NELL1: variants seen among roughly 807,000 people sequenced by gnomAD.
NELL1 encodes protein kinase C-binding protein NELL1.
NELL1 carries 76 observed loss-of-function variants against 107.4 expected under a neutral mutation model. That is an observed-to-expected ratio of 0.71 (90% CI 0.59 to 0.86). NELL1 has a LOEUF of 0.86. Among genes scored for constraint, NELL1 ranks in the 40% least tolerant of loss-of-function variants. The probability of loss-of-function intolerance (pLI) is 0.00; values close to 1 mark genes in which losing one functional copy is unlikely to be tolerated. For synonymous variants in NELL1, 353 were observed against 341.2 expected, an observed-to-expected ratio of 1.03 and a Z score of -0.38; for missense variants, 1,024 against 1,005.5, an observed-to-expected ratio of 1.02 and a Z score of -0.25.
chr11:20,763,602 T>C (rs957904229), intron 2 of NELL1, among the ~76,000 whole-genome samples: 4 of 152,224 alleles, frequency 2.6e-5, no homozygotes, highest in Non-Finnish European at 5.9e-5. Flanking sequence ...TGTGACCTTT[T>C]TCATATCATG....
chr11:20,879,248 A>G (rs547249398), intron 4 of NELL1, among the ~76,000 whole-genome samples: 2 of 152,320 alleles, frequency 1.3e-5, no homozygotes, highest in South Asian at 4.1e-4. Flanking sequence ...ACCGTGTCAC[A>G]TGCTGAAGAG....
chr11:20,734,668 A>G (rs1380524932), intron 2 of NELL1, among the ~76,000 whole-genome samples: 1 of 152,222 alleles, frequency 6.6e-6, no homozygotes, highest in East Asian at 1.9e-4. Context: ...GTTAGATTTG[A>G]GAAATCCATT....
At chr11:21,348,043 T>A (rs1261292343) in intron 14 of NELL1, among the ~76,000 whole-genome samples, 1 of 152,176 alleles carries the variant, frequency 6.6e-6, no homozygotes, top group Non-Finnish European at 1.5e-5. Flanking sequence ...TGTTGTGACC[T>A]GATGTGGCTA....
chr11:20,931,205 T>C (rs563600622), intron 9 of NELL1, among the ~76,000 whole-genome samples: 2 of 149,140 alleles, frequency 1.3e-5, no homozygotes, highest in South Asian at 4.4e-4. Flanking sequence ...TACAGAAGAA[T>C]GGCCTGGGAG....
intron 2 of NELL1, among the ~76,000 whole-genome samples, chr11:20,703,467 G>T (rs986280478): frequency 1.3e-5 from 2 of 151,780 alleles, no homozygotes; most frequent in African/African-American, 2.4e-5. Context: ...GGATTCATTG[G>T]TTTTTTTGAA....
At chr11:20,687,727 G>A (rs1854343061) in intron 2 of NELL1, among the ~76,000 whole-genome samples, 2 of 151,972 alleles carry the variant, frequency 1.3e-5, no homozygotes, top group African/African-American at 4.8e-5. Flanking sequence ...GAGTAGCTGG[G>A]ATTACAGGTG....
At chr11:21,548,157 AGAG>A (rs1856489241) in intron 16 of NELL1, among the ~76,000 whole-genome samples, 1 of 151,942 alleles carries the variant, frequency 6.6e-6, no homozygotes, top group African/African-American at 2.4e-5. Context: ...GTGGAAATGC[AGAG>A]GAGTGAATAA....
At chr11:21,399,554 G>A (rs139324151) in intron 15 of NELL1, among the ~76,000 whole-genome samples, 44 of 151,908 alleles carry the variant, frequency 2.9e-4, no homozygotes, top group African/African-American at 1.0e-3. Context: ...TAGCCAAAAT[G>A]TATTGAACAT....
intron 5 of NELL1, among the ~76,000 whole-genome samples, chr11:20,899,405 A>G (rs1849823079): frequency 6.6e-6 from 1 of 152,164 alleles, no homozygotes; most frequent in South Asian, 2.1e-4. Flanking sequence ...AGTCTGGGGG[A>G]AAATAATAGT....
chr11:21,126,250 T>A (rs1855484139), intron 13 of NELL1, among the ~76,000 whole-genome samples: 1 of 152,104 alleles, frequency 6.6e-6, no homozygotes, highest in East Asian at 1.9e-4. Flanking sequence ...GTCTTTAAAA[T>A]GCGAATGCAG....
chr11:21,026,741 T>C (rs1224048344), intron 12 of NELL1, among the ~76,000 whole-genome samples: 2 of 152,172 alleles, frequency 1.3e-5, no homozygotes, highest in African/African-American at 4.8e-5. Flanking sequence ...TATTAAATTG[T>C]AAAATATTCA....
At chr11:21,077,472 G>C (rs999302427) in intron 12 of NELL1, among the ~76,000 whole-genome samples, 11 of 152,194 alleles carry the variant, frequency 7.2e-5, no homozygotes, top group African/African-American at 2.2e-4. Context: ...GCCAGGAATG[G>C]TGGCTCACGC....
intron 13 of NELL1, among the ~76,000 whole-genome samples, chr11:21,175,644 G>A (rs1162982928): frequency 1.3e-5 from 2 of 151,794 alleles, no homozygotes; most frequent in Admixed American, 6.6e-5. Flanking sequence ...TCTGTTTCAC[G>A]ACTCTACAAA....
At chr11:21,151,400 T>G (rs1856113723) in intron 13 of NELL1, among the ~76,000 whole-genome samples, 1 of 152,160 alleles carries the variant, frequency 6.6e-6, no homozygotes, top group African/African-American at 2.4e-5. Flanking sequence ...AATAGGTGTG[T>G]GCATGTATGT....
chr11:20,934,575 G>A (rs919931006), intron 9 of NELL1, among the ~76,000 whole-genome samples: 10 of 152,222 alleles, frequency 6.6e-5, no homozygotes. Context: ...GTGATCAAAT[G>A]TGTTAATACC....
At chr11:21,241,663 A>G (rs1858363647) in intron 14 of NELL1, among the ~76,000 whole-genome samples, 1 of 152,086 alleles carries the variant, frequency 6.6e-6, no homozygotes, top group Admixed American at 6.6e-5. Context: ...TATTGGTGGA[A>G]TGTTTAACTA....
chr11:20,703,524 G>A (rs944511557), intron 2 of NELL1, among the ~76,000 whole-genome samples: 3 of 152,040 alleles, frequency 2.0e-5, no homozygotes, highest in Non-Finnish European at 4.4e-5. Context: ...TCTGATCTTA[G>A]TTATTTCTTG....
intron 14 of NELL1, among the ~76,000 whole-genome samples, chr11:21,298,360 G>A (rs936742277): frequency 6.6e-6 from 1 of 151,838 alleles, no homozygotes; most frequent in Non-Finnish European, 1.5e-5. Context: ...GTTATTTTCA[G>A]TTCACTTCTT....
At chr11:20,826,256 G>T (rs1292565081) in intron 3 of NELL1, among the ~76,000 whole-genome samples, 1 of 151,248 alleles carries the variant, frequency 6.6e-6, no homozygotes, top group African/African-American at 2.4e-5. Context: ...ACAGGACCGA[G>T]AAACTAGGTT....
Sources: allele counts gnomAD v4.1 joint callset (sites outside exome capture counted in the v4.1 genomes callset), GRCh38; gene constraint gnomAD v4.1.1; transcripts MANE v1.5; gene names NCBI Gene and HGNC (gene_info 2026-07-23, HGNC 2026-07-21).